The following ABR variants were observed in gnomAD, a reference collection of about 807,000 sequenced individuals.
ABR encodes ABR activator of RhoGEF and GTPase, also known as active breakpoint cluster region-related protein.
A neutral mutation model predicts 107.2 loss-of-function variants in ABR; 35 were observed. The ratio of observed to expected loss-of-function variants is 0.33; its 90% CI spans 0.25 to 0.43. The LOEUF is 0.43. Ranked by LOEUF, ABR falls within the 20% of genes least tolerant of loss-of-function variation. ABR has a pLI of 1.00. For synonymous variants in ABR, 498 were observed against 462.0 expected (o/e 1.08, Z -1.00); for missense variants, 815 against 1,115.2 (o/e 0.73, Z 3.83).
At chr17:1,013,421 G>A (rs1016635841) in intron 16 of ABR, among the ~76,000 whole-genome samples, 18 of 149,962 alleles carry the variant, frequency 1.2e-4, no homozygotes, top group Admixed American at 2.0e-4. Context: ...GTTACCCGCC[G>A]TGGGGGAGGC....
chr17:1,208,745 G>A (rs1277728656), intron 1 of ABR, among the ~76,000 whole-genome samples: 12 of 152,080 alleles, frequency 7.9e-5, no homozygotes, highest in African/African-American at 2.7e-4. Flanking sequence ...AAAATTAGCC[G>A]GGTGTGGTGG....
At chr17:1,018,968 C>A (rs977135589) in intron 16 of ABR, among the ~76,000 whole-genome samples, 14 of 152,164 alleles carry the variant, frequency 9.2e-5, no homozygotes, top group Non-Finnish European at 4.4e-5. Context: ...AAAATCAAGG[C>A]CCCCAGCACC....
chr17:1,054,186 C>T (rs907434121), intron 14 of ABR, among the ~76,000 whole-genome samples: 9 of 152,208 alleles, frequency 5.9e-5, no homozygotes, highest in Admixed American at 2.6e-4. Flanking sequence ...AGGCTCAGAG[C>T]GGACCGTGAG....
rs57412625 is a variant in ABR at position 1,079,788 on chromosome 17, C to CAAA, written c.640-401_640-399dup. 5.3e-4 allele frequency among the ~76,000 whole-genome samples: 29 copies of CAAA among 55,114 alleles called. 2 individuals carry two copies. The highest frequency in any genetic ancestry group is 3.5e-3 in the South Asian group (3 of 866). 36.2% of individuals were successfully genotyped at this position (55,114 alleles called of 152,430 possible). On this transcript the variant is annotated intron_variant, in intron 5 of 22. Transcript: ENST00000302538. The stretch of plus-strand genomic sequence containing the variant: ...TGGGCAACAGGGCGAGACTCTGTCT[C>CAAA]AAAAAAAAAAAAAAAAAAAAAAAAA...
At chr17:1,013,502 G>C (rs553354807) in intron 16 of ABR, among the ~76,000 whole-genome samples, 2 of 152,134 alleles carry the variant, frequency 1.3e-5, no homozygotes, top group South Asian at 4.1e-4. Flanking sequence ...CTGCCAGCCC[G>C]GGACATGGGT....
intron 1 of ABR, among the ~76,000 whole-genome samples, chr17:1,136,066 C>T (rs1182621330): frequency 6.6e-6 from 1 of 152,146 alleles, no homozygotes; most frequent in African/African-American, 2.4e-5. Flanking sequence ...CACCCCTGCA[C>T]TGGCCCCTAA....
rs1229164215 is a variant in ABR at position 1,010,821 on chromosome 17, T to C, written c.2144A>G (p.Asn715Ser). The change falls in exon 20 of 23, where the codon AAC becomes AGC. Residue 715 changes from asparagine (N) to serine (S), a missense_variant. Around this residue, in one of 5 missense-constraint regions of ABR, gnomAD observed 175 missense variants for 284.3 expected, o/e 0.62. Transcript: ENST00000302538. This position sits in a 1 kb window ranked among gnomAD's most constrained non-coding sequence, Gnocchi z 4.1. Reference sequence around the variant, plus strand: ...CAGCTTGAGCGTCCCGGCGATGGCGTTGATGTCCATGTCACTCAGCATCAG... The same window carrying C: ...CAGCTTGAGCGTCCCGGCGATGGCGCTGATGTCCATGTCACTCAGCATCAG... Reference protein sequence around the residue: ...ILLMLSDMDINAIAGTLKLYF... With the variant: ...ILLMLSDMDISAIAGTLKLYF... The C allele has an allele frequency of 6.2e-7, 1 of 1,613,684 alleles. No homozygotes were observed. The highest frequency in any genetic ancestry group is 8.5e-7 in the Non-Finnish European group (1 of 1,179,984).
In ABR at chr17:1,006,095, G is replaced by A. The variant is rs370073889; in HGVS notation, c.2565C>T (p.Phe855=). The A allele has an allele frequency of 1.2e-5, 19 of 1,574,490 alleles. No individual in the cohort carries two copies. Among genetic ancestry groups the A allele is most frequent in the Non-Finnish European group, 1.6e-5 (19 of 1,159,754 alleles). ...FAELKRNTLY[F]STDV ...CTGCCTCGGGCTACACGTCGGTGGAGAAGTACAGTGTGTTCCGCTTGAGTT... is the reference window on the plus strand; with the variant it reads ...CTGCCTCGGGCTACACGTCGGTGGAAAAGTACAGTGTGTTCCGCTTGAGTT... The change falls in exon 23 of 23, where the codon TTC becomes TTT. Residue 855 remains phenylalanine, a synonymous_variant. Coordinates refer to ENST00000302538, the MANE Select transcript of ABR (RefSeq NM_021962.5).
rs1434109174 is a variant in ABR at position 1,150,914 on chromosome 17, G to GCA, written c.62-25549_62-25548dup. Among the ~76,000 whole-genome samples the GCA allele has an allele frequency of 1.3e-5, 2 of 152,050 alleles. No individual in the cohort carries two copies. The highest frequency in any genetic ancestry group is 1.9e-4 in the East Asian group (1 of 5,176). ...TATGTGTGCATATATATACACATGT[G>GCA]CACACACACACTCCTGGGGGTGAGG... On this transcript the variant is annotated intron_variant, in intron 1 of 22. Coordinates refer to ENST00000302538, the MANE Select transcript of ABR (RefSeq NM_021962.5). The surrounding 1 kb of genome is among the most constrained non-coding windows in gnomAD (Gnocchi z 4.8).
chr17:1,066,937 C>A, intron 10 of ABR, 140 bp downstream of exon 10: 1 of 807,966 alleles, frequency 1.2e-6, no homozygotes, highest in Non-Finnish European at 2.0e-6. Context: ...CTTGGAGCTA[C>A]TGTAGTCGGG....
intron 10 of ABR, 43 bp from the exon 11 acceptor site, chr17:1,058,910 C>G: frequency 6.2e-7 from 1 of 1,610,490 alleles, no homozygotes; most frequent in South Asian, 1.1e-5. Flanking sequence ...CACACTCGGG[C>G]CTTTCTCACG....
chr17:1,206,385 ATTAAT>A (rs1324945916), intron 1 of ABR, among the ~76,000 whole-genome samples: 1 of 152,174 alleles, frequency 6.6e-6, no homozygotes, highest in Non-Finnish European at 1.5e-5. Flanking sequence ...GATTCACTAC[ATTAAT>A]TTATTATTAT....
intron 1 of ABR, among the ~76,000 whole-genome samples, chr17:1,161,908 C>T (rs150290040): frequency 6.6e-6 from 1 of 152,226 alleles, no homozygotes; most frequent in South Asian, 2.1e-4. Context: ...TCCTCTCCCA[C>T]CCGCTACACC....
chr17:1,013,946 T>C (rs2070893156), intron 16 of ABR, among the ~76,000 whole-genome samples: 1 of 152,268 alleles, frequency 6.6e-6, no homozygotes, highest in Admixed American at 6.5e-5. Context: ...ACCTGCGAAC[T>C]AATTCTGAGC....
chr17:1,014,013 A>C (rs1013720337), intron 16 of ABR, among the ~76,000 whole-genome samples: 9 of 152,252 alleles, frequency 5.9e-5, no homozygotes, highest in Admixed American at 6.5e-5. Context: ...CCAAGTTTAA[A>C]TAGTTGCAAA....
At chr17:1,035,158 C>T (rs2073071541) in intron 16 of ABR, among the ~76,000 whole-genome samples, 1 of 151,774 alleles carries the variant, frequency 6.6e-6, no homozygotes, top group South Asian at 2.1e-4. Context: ...AGTCAATGGT[C>T]TTGGGTGGAA....
chr17:1,118,281 C>T (rs1159529056), intron 2 of ABR, among the ~76,000 whole-genome samples: 6 of 65,024 alleles, frequency 9.2e-5, no homozygotes, highest in Admixed American at 3.3e-4. Context: ...CCTGAGTCCT[C>T]CCCAGCGTTA....
At chr17:1,223,805 C>A (rs527422058) in intron 1 of ABR, among the ~76,000 whole-genome samples, 30 of 152,276 alleles carry the variant, frequency 2.0e-4, no homozygotes, top group African/African-American at 7.2e-4. Flanking sequence ...CTTCCAAACG[C>A]TTTAAAACCA....
intron 16 of ABR, among the ~76,000 whole-genome samples, chr17:1,034,810 C>G (rs532823382): frequency 6.6e-6 from 1 of 152,250 alleles, no homozygotes; most frequent in East Asian, 1.9e-4. Context: ...CGGGCTGGGT[C>G]CCAGGCCACA....
Sources: gnomAD v4.1 joint callset for allele counts (sites outside exome capture counted in the v4.1 genomes callset) on GRCh38, gnomAD v4.1.1 for gene constraint, gnomAD v4.1.1 regional missense constraint, Gnocchi (gnomAD v3.1) non-coding constraint, MANE v1.5 for transcripts, NCBI Gene and HGNC (gene_info 2026-07-23, HGNC 2026-07-21) for gene names.